The following ASIC2 variants were observed in gnomAD, a reference collection of about 807,000 sequenced individuals.
The protein encoded by ASIC2 is acid-sensing ion channel 2.
In ASIC2, 25 loss-of-function variants were observed where a neutral mutation model predicts 57.3. That is an observed-to-expected ratio of 0.44 (90% CI 0.32 to 0.61). The LOEUF is 0.61. Ranked by LOEUF, ASIC2 falls within the 20% of genes least tolerant of loss-of-function variation. The pLI is 0.06. For missense variants in ASIC2, 641 were observed against 738.1 expected (o/e 0.87, Z 1.52); for synonymous variants, 319 against 307.5 (o/e 1.04, Z -0.39).
chr17:33,685,834 G>A (rs895287681), intron 1 of ASIC2, among the ~76,000 whole-genome samples: 4 of 152,230 alleles, frequency 2.6e-5, no homozygotes, highest in Middle Eastern at 3.4e-3. Context: ...TCTCGGCAGC[G>A]TCTGATATGG....
chr17:33,445,003 C>T (rs1911961932), intron 1 of ASIC2, among the ~76,000 whole-genome samples: 2 of 152,328 alleles, frequency 1.3e-5, no homozygotes, highest in Non-Finnish European at 1.5e-5. Flanking sequence ...TTGTGACAGA[C>T]ACTGTTTGAC....
chr17:33,690,335 G>A (rs2142063201), intron 1 of ASIC2, among the ~76,000 whole-genome samples: 1 of 152,316 alleles, frequency 6.6e-6, no homozygotes, highest in African/African-American at 2.4e-5. Context: ...GTTGAAGCTA[G>A]AATTTCCAAG....
chr17:33,634,547 A>G (rs9890688), intron 1 of ASIC2, among the ~76,000 whole-genome samples: 55,028 of 134,852 alleles, frequency 0.41, 11,729 homozygotes, highest in African/African-American at 0.58. Flanking sequence ...ACAGAGTCTC[A>G]CTCTGTCGCC....
intron 1 of ASIC2, among the ~76,000 whole-genome samples, chr17:33,747,191 G>A (rs1314781926): frequency 6.7e-6 from 1 of 150,008 alleles, no homozygotes; most frequent in East Asian, 1.9e-4. Context: ...TGCAGGGCAC[G>A]TGACACAAAA....
chr17:33,257,171 C>G (rs1909111900), intron 1 of ASIC2, among the ~76,000 whole-genome samples: 1 of 152,168 alleles, frequency 6.6e-6, no homozygotes, highest in African/African-American at 2.4e-5. Flanking sequence ...TCTGGCAAAA[C>G]CAGGGCTGCG....
At chr17:33,616,903 A>T (rs1905622567) in intron 1 of ASIC2, among the ~76,000 whole-genome samples, 1 of 152,240 alleles carries the variant, frequency 6.6e-6, no homozygotes, top group South Asian at 2.1e-4. Context: ...TGAAATATGT[A>T]CTAGCTTTCT....
chr17:33,898,264 C>A (rs1351173614), intron 1 of ASIC2, among the ~76,000 whole-genome samples: 2 of 85,012 alleles, frequency 2.4e-5, no homozygotes, highest in Non-Finnish European at 4.4e-5. Context: ...GAGACTGAGT[C>A]TCGCTCTGTC....
At chr17:33,731,647 GA>G (rs981554061) in intron 1 of ASIC2, among the ~76,000 whole-genome samples, 3 of 152,224 alleles carry the variant, frequency 2.0e-5, no homozygotes, top group African/African-American at 7.2e-5. Flanking sequence ...GACTTTGGGG[GA>G]AAGTTCCTGA....
At chr17:33,127,301 G>A (rs1324683304) in intron 1 of ASIC2, among the ~76,000 whole-genome samples, 2 of 152,192 alleles carry the variant, frequency 1.3e-5, no homozygotes, top group Admixed American at 1.3e-4. Context: ...TGATTAAGAA[G>A]CCCTGGGAAC....
intron 1 of ASIC2, among the ~76,000 whole-genome samples, chr17:34,132,548 G>A (rs560578334): frequency 1.3e-5 from 2 of 152,038 alleles, no homozygotes; most frequent in African/African-American, 4.8e-5. Flanking sequence ...GCTGATTGGT[G>A]CGTTTTACAG....
chr17:33,625,213 A>G (rs1567672756), intron 1 of ASIC2, among the ~76,000 whole-genome samples: 1 of 151,810 alleles, frequency 6.6e-6, no homozygotes, highest in Non-Finnish European at 1.5e-5. Flanking sequence ...CTATCTATCT[A>G]TCTATCTATC....
At chr17:33,947,903 T>C (rs1410858123) in intron 1 of ASIC2, among the ~76,000 whole-genome samples, 3 of 152,238 alleles carry the variant, frequency 2.0e-5, no homozygotes, top group African/African-American at 4.8e-5. Context: ...ATTAAGATTA[T>C]AACTAATATT....
chr17:33,279,902 T>C lies in ASIC2; in HGVS notation c.708+11506A>G, dbSNP rs148436305. 2.5e-3 allele frequency among the ~76,000 whole-genome samples: 387 copies of C among 152,230 alleles called. 2 individuals are homozygous for C. The highest frequency in any genetic ancestry group is 0.014 in the Middle Eastern group (4 of 294). ...GTGTTGTCCTGAGGATTAAAGAAGATAACAAATGGGAGGCACAGAGCCATG... is the reference window on the plus strand; with the variant it reads ...GTGTTGTCCTGAGGATTAAAGAAGACAACAAATGGGAGGCACAGAGCCATG... On this transcript the variant is annotated intron_variant, in intron 1 of 9. Coordinates refer to ENST00000225823, the MANE Select transcript of ASIC2 (RefSeq NM_183377.2).
chr17:33,642,121 A>T (rs1440379264), intron 1 of ASIC2, among the ~76,000 whole-genome samples: 1 of 152,070 alleles, frequency 6.6e-6, no homozygotes, highest in Non-Finnish European at 1.5e-5. Flanking sequence ...ATGGGGCTTG[A>T]CATAAGCCAG....
chr17:33,902,079 G>A (rs1008079003), intron 1 of ASIC2, among the ~76,000 whole-genome samples: 10 of 152,040 alleles, frequency 6.6e-5, no homozygotes, highest in Non-Finnish European at 8.8e-5. Context: ...CTATCAATGC[G>A]CTTGTATGAG....
At chr17:33,506,238 C>CAAA (rs533194191) in intron 1 of ASIC2, among the ~76,000 whole-genome samples, 30 of 114,114 alleles carry the variant, frequency 2.6e-4, no homozygotes, top group Admixed American at 6.8e-4. Context: ...ACTAAAAATA[C>CAAA]AAAAAAAAAA....
intron 1 of ASIC2, among the ~76,000 whole-genome samples, chr17:33,590,029 G>A (rs1320250512): frequency 6.6e-6 from 1 of 152,086 alleles, no homozygotes; most frequent in African/African-American, 2.4e-5. Flanking sequence ...TCTCTCACTT[G>A]TCCCTCCCTC....
chr17:33,150,807 G>A (rs567224111), intron 1 of ASIC2, among the ~76,000 whole-genome samples: 2 of 61,070 alleles, frequency 3.3e-5, no homozygotes, highest in African/African-American at 8.8e-5. Flanking sequence ...CCGAGATCCC[G>A]CCACTGCACT....
At chr17:33,238,443 G>A (rs916760018) in intron 1 of ASIC2, among the ~76,000 whole-genome samples, 8 of 152,200 alleles carry the variant, frequency 5.3e-5, no homozygotes, top group Non-Finnish European at 1.2e-4. Flanking sequence ...CTTGACATTA[G>A]AGCCAGCAAA....
Sources: gnomAD v4.1 joint callset for allele counts (sites outside exome capture counted in the v4.1 genomes callset) on GRCh38, gnomAD v4.1.1 for gene constraint, MANE v1.5 for transcripts, NCBI Gene and HGNC (gene_info 2026-07-23, HGNC 2026-07-21) for gene names.